PTPRD: variants seen among roughly 807,000 people sequenced by gnomAD.
PTPRD encodes the protein protein tyrosine phosphatase receptor type D.
In PTPRD, 34 loss-of-function variants were observed where a neutral mutation model predicts 214.5. That is an observed-to-expected ratio of 0.16 (90% CI 0.12 to 0.21). The LOEUF (loss-of-function observed/expected upper bound fraction) is 0.21, where lower values mean the gene tolerates loss of function less well. Ranked by LOEUF, PTPRD falls within the 10% of genes least tolerant of loss-of-function variation. The probability of loss-of-function intolerance (pLI) is 1.00; values close to 1 mark genes in which losing one functional copy is unlikely to be tolerated. For synonymous variants in PTPRD, 1,128 were observed against 845.7 expected (o/e 1.33, Z -5.79); for missense variants, 2,545 against 2,398.7 (o/e 1.06, Z -1.27).
chr9:8,951,540 C>A (rs562583406), intron 11 of PTPRD, among the ~76,000 whole-genome samples: 3 of 151,924 alleles, frequency 2.0e-5, no homozygotes, highest in Non-Finnish European at 4.4e-5. Flanking sequence ...AGCTGTTTTA[C>A]GTTCAGCATA....
chr9:10,420,557 G>T (rs1041838623), intron 2 of PTPRD, among the ~76,000 whole-genome samples: 2 of 151,670 alleles, frequency 1.3e-5, no homozygotes, highest in Non-Finnish European at 2.9e-5. Flanking sequence ...ACAAACGACG[G>T]GGGGGCTGAA....
chr9:10,523,656 G>C (rs1363510219), intron 2 of PTPRD, among the ~76,000 whole-genome samples: 18 of 131,242 alleles, frequency 1.4e-4, no homozygotes, highest in African/African-American at 4.8e-4. Flanking sequence ...GAGAGAGAGA[G>C]AAATAAAGAG....
At chr9:8,938,626 T>G (rs2099012801) in intron 11 of PTPRD, among the ~76,000 whole-genome samples, 2 of 152,108 alleles carry the variant, frequency 1.3e-5, no homozygotes, top group South Asian at 2.1e-4. Flanking sequence ...CTGATAGCAT[T>G]TAATAGAAGG....
intron 11 of PTPRD, among the ~76,000 whole-genome samples, chr9:8,797,857 A>G (rs2096477334): frequency 1.3e-5 from 2 of 148,150 alleles, no homozygotes; most frequent in African/African-American, 2.6e-5. Context: ...CTCAGAAAAT[A>G]AATTTAACAG....
intron 7 of PTPRD, among the ~76,000 whole-genome samples, chr9:9,694,859 C>A (rs1045916319): frequency 6.6e-6 from 1 of 152,122 alleles, no homozygotes; most frequent in Admixed American, 6.5e-5. Flanking sequence ...TCTTCAGGCC[C>A]TGGGGTGCCC....
At chr9:9,919,989 T>A (rs899769944) in intron 5 of PTPRD, among the ~76,000 whole-genome samples, 5 of 152,056 alleles carry the variant, frequency 3.3e-5, no homozygotes, top group Non-Finnish European at 7.4e-5. Flanking sequence ...CACCTTGAAG[T>A]TTTTTTTCAT....
intron 2 of PTPRD, among the ~76,000 whole-genome samples, chr9:10,391,314 T>C (rs1468770181): frequency 3.3e-5 from 5 of 151,800 alleles, no homozygotes; most frequent in Non-Finnish European, 7.4e-5. Context: ...ATTATCTACA[T>C]TAAAATCTGA....
At chr9:8,784,808 G>T (rs150393952) in intron 11 of PTPRD, among the ~76,000 whole-genome samples, 15 of 152,240 alleles carry the variant, frequency 9.9e-5, no homozygotes, top group Non-Finnish European at 1.9e-4. Context: ...AGTTTGAAAA[G>T]CAGAAACACG....
rs149327972 is a variant in PTPRD at position 9,629,238 on chromosome 9, G to GTGTATATA, written c.-286-54458_-286-54457insTATATACA. On this transcript the variant is annotated intron_variant, in intron 7 of 45. Coordinates refer to ENST00000381196, the MANE Select transcript of PTPRD (RefSeq NM_002839.4). ...TGGGGAGATATATATGTGTGTGTGT[G>GTGTATATA]TATATATATATATATATATGAACAC... Among the ~76,000 whole-genome samples the GTGTATATA allele has an allele frequency of 2.9e-3, 401 of 140,396 alleles. 2 individuals are homozygous for GTGTATATA. Among genetic ancestry groups the GTGTATATA allele is most frequent in the African/African-American group, 0.01 (359 of 35,556 alleles). The allele number at this position is 140,396 out of a possible 152,430, so 92.1% of individuals were successfully genotyped here. A position where few individuals can be genotyped will look rare whatever the true frequency, so the allele number is the denominator to read the frequency against.
chr9:9,652,391 A>C (rs1015891713), intron 7 of PTPRD, among the ~76,000 whole-genome samples: 2 of 152,188 alleles, frequency 1.3e-5, no homozygotes, highest in Middle Eastern at 3.2e-3. Context: ...TTTAGTTTTT[A>C]TAACCTTATC....
At chr9:9,519,637 G>A (rs1590534197) in intron 8 of PTPRD, among the ~76,000 whole-genome samples, 1 of 151,904 alleles carries the variant, frequency 6.6e-6, no homozygotes, top group Non-Finnish European at 1.5e-5. Flanking sequence ...TAAAGAATAA[G>A]CATAACAAAA....
intron 2 of PTPRD, among the ~76,000 whole-genome samples, chr9:10,433,232 A>G (rs2098694920): frequency 6.6e-6 from 1 of 151,980 alleles, no homozygotes; most frequent in Admixed American, 6.6e-5. Flanking sequence ...TTCTGTAAAT[A>G]TAAGTTTATA....
intron 39 of PTPRD, among the ~76,000 whole-genome samples, chr9:8,345,735 G>T (rs538430571): frequency 1.3e-5 from 2 of 152,010 alleles, no homozygotes; most frequent in Non-Finnish European, 2.9e-5. Flanking sequence ...GTTTGAAATC[G>T]AAATCAAAGA....
At chr9:10,116,607 T>C (rs1474409563) in intron 3 of PTPRD, among the ~76,000 whole-genome samples, 1 of 152,160 alleles carries the variant, frequency 6.6e-6, no homozygotes, top group East Asian at 1.9e-4. Flanking sequence ...CACATTTTAA[T>C]TTTATGTACA....
intron 2 of PTPRD, among the ~76,000 whole-genome samples, chr9:10,517,856 G>A (rs2050663654): frequency 6.6e-6 from 1 of 152,084 alleles, no homozygotes. Flanking sequence ...TAAAATGTGT[G>A]TTTAAAGAAT....
intron 3 of PTPRD, among the ~76,000 whole-genome samples, chr9:10,243,418 A>G (rs2091497679): frequency 1.3e-5 from 2 of 152,004 alleles, no homozygotes; most frequent in Admixed American, 1.3e-4. Flanking sequence ...AGGTTTAATC[A>G]TAAGATCATT....
intron 35 of PTPRD, among the ~76,000 whole-genome samples, chr9:8,435,930 C>A (rs911166831): frequency 2.6e-5 from 4 of 152,134 alleles, no homozygotes; most frequent in African/African-American, 9.7e-5. Context: ...TACACATACT[C>A]AATAATTACA....
chr9:9,492,448 T>G (rs76408479), intron 8 of PTPRD, among the ~76,000 whole-genome samples: 1,663 of 152,192 alleles, frequency 0.011, 38 homozygotes, highest in African/African-American at 0.038. Context: ...AACAGGATTA[T>G]GTACCACGAC....
At chr9:9,207,366 T>C (rs1164994412) in intron 9 of PTPRD, among the ~76,000 whole-genome samples, 2 of 152,050 alleles carry the variant, frequency 1.3e-5, no homozygotes, top group African/African-American at 2.4e-5. Context: ...CTTTGAGAGA[T>C]GTCAGTAAAT....
Sources: gnomAD v4.1 joint callset for allele counts (sites outside exome capture counted in the v4.1 genomes callset) on GRCh38, gnomAD v4.1.1 for gene constraint, MANE v1.5 for transcripts, NCBI Gene and HGNC (gene_info 2026-07-23, HGNC 2026-07-21) for gene names.